Variants in MCU observed in about 807,000 individuals in gnomAD.
The protein encoded by MCU is calcium uniporter protein, mitochondrial.
A neutral mutation model predicts 45.2 loss-of-function variants in MCU; 12 were observed. The ratio of observed to expected loss-of-function variants is 0.27; its 90% CI spans 0.17 to 0.43. The LOEUF (loss-of-function observed/expected upper bound fraction) is 0.43. Among genes scored for constraint, MCU ranks in the 20% least tolerant of loss-of-function variants. The probability of loss-of-function intolerance (pLI) is 1.00; values close to 1 mark genes in which losing one functional copy is unlikely to be tolerated. For synonymous variants in MCU, 160 were observed against 165.1 expected (o/e 0.97, Z 0.24); for missense variants, 324 against 436.7 (o/e 0.74, Z 2.30).
intron 1 of MCU, among the ~76,000 whole-genome samples, chr10:72,734,700 A>ACC (rs1359573838): frequency 1.3e-5 from 2 of 151,784 alleles, no homozygotes; most frequent in East Asian, 3.9e-4. Flanking sequence ...CGCAGCCTTG[A>ACC]CCTCCCAGGC....
Position 72,692,314 on chromosome 10 carries a change from G to T in MCU, c.150+13G>T, listed in dbSNP as rs900670835. The T allele has an allele frequency of 1.7e-6, 2 of 1,209,370 alleles. No homozygotes were observed. Among genetic ancestry groups the T allele is most frequent in the Non-Finnish European group, 2.1e-6 (2 of 972,812 alleles). 74.9% of individuals were successfully genotyped at this position (1,209,370 alleles called of 1,614,324 possible). A position where few individuals can be genotyped will look rare whatever the true frequency, so the allele number is the denominator to read the frequency against. Reference sequence around the variant, plus strand: ...GCACCACCGGACGGTGAGCGAGCGCGCCCGGAGGCTCCGGGGAGGGCGGGG... The same window carrying T: ...GCACCACCGGACGGTGAGCGAGCGCTCCCGGAGGCTCCGGGGAGGGCGGGG... On this transcript the variant is annotated intron_variant, in intron 1 of 7. Coordinates refer to ENST00000373053, the MANE Select transcript of MCU (RefSeq NM_138357.3).
At chr10:72,804,211 C>T (rs1356144526) in intron 1 of MCU, among the ~76,000 whole-genome samples, 1 of 150,594 alleles carries the variant, frequency 6.6e-6, no homozygotes, top group Non-Finnish European at 1.5e-5. Context: ...TTCAGCCTCC[C>T]AAGTAGCTGG....
chr10:72,745,403 A>G (rs762211050), intron 1 of MCU, among the ~76,000 whole-genome samples: 3 of 151,960 alleles, frequency 2.0e-5, no homozygotes, highest in Non-Finnish European at 2.9e-5. Flanking sequence ...GGTTTTTTCT[A>G]TTTTTAGTAG....
intron 1 of MCU, among the ~76,000 whole-genome samples, chr10:72,732,075 A>G (rs774046394): frequency 6.6e-6 from 1 of 152,206 alleles, no homozygotes; most frequent in Non-Finnish European, 1.5e-5. Flanking sequence ...CTAACAATGT[A>G]TGAGGGTTCC....
chr10:72,860,650 A>G (rs1231157346), intron 4 of MCU, 123 bp downstream of exon 4: 11 of 701,076 alleles, frequency 1.6e-5, no homozygotes, highest in Non-Finnish European at 2.2e-5. Flanking sequence ...AAAGTTTTAT[A>G]TACAGATAGA....
intron 1 of MCU, among the ~76,000 whole-genome samples, chr10:72,813,315 A>T (rs373771497): frequency 7.0e-6 from 1 of 142,342 alleles, no homozygotes; most frequent in East Asian, 2.5e-4. Flanking sequence ...CAACAATGTG[A>T]TGTAACGTCC....
intron 1 of MCU, among the ~76,000 whole-genome samples, chr10:72,800,536 A>C (rs1334732702): frequency 6.6e-6 from 1 of 152,230 alleles, no homozygotes; most frequent in Non-Finnish European, 1.5e-5. Context: ...GTCATGTATC[A>C]AGATTTATTT....
At chr10:72,747,415 C>T (rs1026846651) in intron 1 of MCU, among the ~76,000 whole-genome samples, 19 of 152,116 alleles carry the variant, frequency 1.2e-4, no homozygotes, top group Admixed American at 1.0e-3. Flanking sequence ...ATGTATAGTG[C>T]TTGTTATGAT....
chr10:72,721,003 A>G (rs112269236), intron 1 of MCU: 2,878 of 153,698 alleles, frequency 0.019, 82 homozygotes, highest in African/African-American at 0.065. Context: ...TGATCCAAGT[A>G]AGAATAGTTC....
intron 1 of MCU, among the ~76,000 whole-genome samples, chr10:72,748,011 T>C (rs1481032155): frequency 1.3e-5 from 2 of 151,846 alleles, no homozygotes; most frequent in Admixed American, 6.6e-5. Flanking sequence ...AGTTACATCC[T>C]TTTTTTCATA....
At chr10:72,771,898 C>A (rs1258617127) in intron 1 of MCU, among the ~76,000 whole-genome samples, 1 of 152,196 alleles carries the variant, frequency 6.6e-6, no homozygotes, top group Non-Finnish European at 1.5e-5. Context: ...GAGAATCAGA[C>A]TTCCACATCT....
chr10:72,709,079 T>C lies in MCU; in HGVS notation c.150+16778T>C, dbSNP rs147740122. On this transcript the variant is annotated intron_variant, in intron 1 of 7. Transcript: ENST00000373053. ...GCATGATTGGTGGGGGTATGGGCCA[T>C]GCTGGACACTGCAGAAGAGAGAAAG... Among the ~76,000 whole-genome samples, 139 of 152,246 alleles carry C rather than the reference T, an allele frequency of 9.1e-4. 2 individuals are homozygous for C. The highest frequency in any genetic ancestry group is 2.7e-3 in the African/African-American group (114 of 41,550).
At chr10:72,838,834 G>A (rs994608493) in intron 2 of MCU, among the ~76,000 whole-genome samples, 2 of 151,912 alleles carry the variant, frequency 1.3e-5, no homozygotes, top group Non-Finnish European at 2.9e-5. Context: ...ATATAAATTC[G>A]AAACCTAAGG....
intron 1 of MCU, among the ~76,000 whole-genome samples, chr10:72,827,231 G>A (rs946657931): frequency 2.0e-5 from 3 of 152,126 alleles, no homozygotes; most frequent in African/African-American, 7.2e-5. Context: ...CAAATGCTAG[G>A]TTTTATGTGA....
intron 1 of MCU, among the ~76,000 whole-genome samples, chr10:72,706,682 G>A (rs1007973575): frequency 4.8e-5 from 7 of 144,898 alleles, no homozygotes; most frequent in South Asian, 2.2e-4. Flanking sequence ...GACTACAGGC[G>A]TGCGCCACCA....
intron 1 of MCU, among the ~76,000 whole-genome samples, chr10:72,702,693 T>G (rs947201899): frequency 5.3e-5 from 8 of 152,124 alleles, no homozygotes; most frequent in Admixed American, 5.2e-4. Context: ...AGGAAACATT[T>G]GGGGCCAGGT....
At chr10:72,750,961 T>A (rs1564546560) in intron 1 of MCU, among the ~76,000 whole-genome samples, 1 of 152,256 alleles carries the variant, frequency 6.6e-6, no homozygotes, top group Non-Finnish European at 1.5e-5. Flanking sequence ...TCCATGTTAT[T>A]GCATGTTTCA....
intron 1 of MCU, among the ~76,000 whole-genome samples, chr10:72,706,332 T>G (rs1842819634): frequency 6.6e-6 from 1 of 152,132 alleles, no homozygotes; most frequent in South Asian, 2.1e-4. Context: ...TCCTACTGCT[T>G]CTGCTGCTCT....
rs749211583 is a variant in MCU at position 72,868,774 on chromosome 10, C to T, written c.568C>T (p.Leu190=). The T allele has an allele frequency of 2.5e-6, 4 of 1,614,168 alleles. No homozygotes were observed. Among genetic ancestry groups the T allele is most frequent in the Non-Finnish European group, 2.5e-6 (3 of 1,179,994 alleles). The change falls in exon 5 of 8, where the codon CTG becomes TTG. Residue 190 remains leucine (L), a synonymous_variant. Coordinates refer to ENST00000373053, the MANE Select transcript of MCU (RefSeq NM_138357.3). ...KTLVQQLYTT[L]CIEQHQLNKE... ...ATTGGTCCAGCAACTATACACCACA[C>T]TGTGCATTGAGCAGCACCAGTTAAA... is the stretch of plus-strand genomic sequence containing the variant.
Sources: gnomAD v4.1 joint callset for allele counts (sites outside exome capture counted in the v4.1 genomes callset) on GRCh38, gnomAD v4.1.1 for gene constraint, MANE v1.5 for transcripts, NCBI Gene and HGNC (gene_info 2026-07-23, HGNC 2026-07-21) for gene names.